VWDE: variants seen among roughly 807,000 people sequenced by gnomAD.
The protein encoded by VWDE is von Willebrand factor D and EGF domains.
VWDE carries 207 observed loss-of-function variants against 178.4 expected under a neutral mutation model. The ratio of observed to expected loss-of-function variants is 1.16; its 90% CI spans 1.04 to 1.30. VWDE has a LOEUF of 1.30. Ranked by LOEUF, VWDE falls within the 50% of genes most tolerant of loss-of-function variation. The pLI is 0.00. For synonymous variants in VWDE, 738 were observed against 651.4 expected, an observed-to-expected ratio of 1.13 and a Z score of -2.02; for missense variants, 2,287 against 1,901.3, an observed-to-expected ratio of 1.20 and a Z score of -3.77.
At chr7:12,365,880 T>C (rs1782831510) in intron 13 of VWDE, among the ~76,000 whole-genome samples, 1 of 152,126 alleles carries the variant, frequency 6.6e-6, no homozygotes, top group African/African-American at 2.4e-5. Context: ...TAGTTTTTGA[T>C]TTGGTTTGGC....
intron 1 of VWDE, among the ~76,000 whole-genome samples, chr7:12,394,286 G>A (rs1784527560): frequency 6.6e-6 from 1 of 151,784 alleles, no homozygotes; most frequent in Admixed American, 6.6e-5. Context: ...TCAAACTAAA[G>A]TTTACTGCAT....
chr7:12,334,108 A>G lies in VWDE; in HGVS notation c.4655-540T>C, dbSNP rs144925225. ...TTTCCCAAGGCAATTAAAAATACCT[A>G]CATCTATCTCAATATCTCAATATCT... is the stretch of plus-strand genomic sequence containing the variant. On this transcript the variant is annotated intron_variant, in intron 27 of 28. Transcript: ENST00000275358. 8.1e-4 allele frequency among the ~76,000 whole-genome samples: 123 copies of G among 152,204 alleles called. 2 individuals are homozygous for G. In the East Asian group the frequency reaches 0.02, roughly 25 times the overall value.
chr7:12,357,545 C>T (rs1782326956), intron 16 of VWDE, 30 bp from the exon 17 acceptor site: 4 of 1,547,484 alleles, frequency 2.6e-6, no homozygotes, highest in Admixed American at 2.0e-5. Flanking sequence ...TAACTTTATA[C>T]CCGTGTAGAA....
Position 12,403,854 on chromosome 7 carries a change from C to T in VWDE, c.-138G>A. The T allele has an allele frequency of 1.1e-6, 1 of 893,228 alleles. No homozygotes were observed. The highest frequency in any genetic ancestry group is 1.7e-6 in the Non-Finnish European group (1 of 583,308). 55.3% of individuals were successfully genotyped at this position (893,228 alleles called of 1,614,324 possible). A position where few individuals can be genotyped will look rare whatever the true frequency, so the allele number is the denominator to read the frequency against. ...TGCTGCTTGGAACAGGGAAGCTCCG[C>T]GTCCTCGTTCTGGGGTGCACCCAGT... On this transcript the variant is annotated 5_prime_UTR_variant, in exon 1 of 29. Transcript: ENST00000275358.
At chr7:12,350,537 C>T (rs1364214636) in intron 19 of VWDE, among the ~76,000 whole-genome samples, 1 of 152,032 alleles carries the variant, frequency 6.6e-6, no homozygotes, top group East Asian at 1.9e-4. Flanking sequence ...GCAGTGATAT[C>T]ATAGTGAAAC....
intron 3 of VWDE, among the ~76,000 whole-genome samples, chr7:12,388,334 G>A (rs1478455755): frequency 6.6e-6 from 1 of 152,066 alleles, no homozygotes; most frequent in Non-Finnish European, 1.5e-5. Context: ...AAAGTTAACT[G>A]CAATCACTTG....
intron 3 of VWDE, among the ~76,000 whole-genome samples, chr7:12,383,944 T>G (rs1472651029): frequency 1.3e-5 from 2 of 152,172 alleles, no homozygotes; most frequent in Admixed American, 1.3e-4. Context: ...AACAGTTTAG[T>G]GGTTTCTTAC....
At chr7:12,333,971 T>C (rs1452003801) in intron 27 of VWDE, among the ~76,000 whole-genome samples, 1 of 152,154 alleles carries the variant, frequency 6.6e-6, no homozygotes, top group Non-Finnish European at 1.5e-5. Context: ...GGCTAGTGTA[T>C]GGAAAATTTG....
chr7:12,335,881 G>C (rs1780993979), intron 27 of VWDE, among the ~76,000 whole-genome samples: 1 of 152,108 alleles, frequency 6.6e-6, no homozygotes, highest in Non-Finnish European at 1.5e-5. Flanking sequence ...CCCACCTGGG[G>C]AAACTTTATT....
intron 27 of VWDE, among the ~76,000 whole-genome samples, chr7:12,334,899 T>C (rs79308526): frequency 0.019 from 2,833 of 152,256 alleles, 80 homozygotes; most frequent in African/African-American, 0.064. Flanking sequence ...ACATCTAAAT[T>C]CCAATTGGAA....
chr7:12,402,110 AAGT>A (rs1319548016), intron 1 of VWDE, among the ~76,000 whole-genome samples: 1 of 152,224 alleles, frequency 6.6e-6, no homozygotes, highest in Non-Finnish European at 1.5e-5. Context: ...ATGAGACAGA[AAGT>A]AGATTAGTAA....
rs539178987 is a variant in VWDE at position 12,338,213 on chromosome 7, T to C, written c.4367-941A>G. Among the ~76,000 whole-genome samples the C allele has an allele frequency of 2.0e-5, 3 of 152,116 alleles. No individual in the cohort carries two copies. In the South Asian group the frequency reaches 6.2e-4, roughly 32 times the overall value. On this transcript the variant is annotated intron_variant, in intron 24 of 28. Coordinates refer to ENST00000275358, the MANE Select transcript of VWDE (RefSeq NM_001135924.3). ...GAAATAATATAGAACTTTATAGTAATAATATAACTGAAAGCTTTTAGCAAA... is the reference window on the plus strand; with the variant it reads ...GAAATAATATAGAACTTTATAGTAACAATATAACTGAAAGCTTTTAGCAAA...
In VWDE at chr7:12,331,079, TTTTGAATGATGTTCAAATAAACTCC is replaced by T. The variant is rs1401859163; in HGVS notation, c.*79_*103del. 4.7e-6 allele frequency: 4 copies of T among 859,770 alleles called. No homozygotes were observed. Among genetic ancestry groups the T allele is most frequent in the Non-Finnish European group, 7.2e-6 (4 of 558,890 alleles). 53.3% of individuals were successfully genotyped at this position (859,770 alleles called of 1,614,324 possible). A position where few individuals can be genotyped will look rare whatever the true frequency, so the allele number is the denominator to read the frequency against. On this transcript the variant is annotated 3_prime_UTR_variant, in exon 29 of 29. Coordinates refer to ENST00000275358, the MANE Select transcript of VWDE (RefSeq NM_001135924.3). ...TAGTTTCTTCAGTCTTTAAGATATT[TTTTGAATGATGTTCAAATAAACTCC>T]AAGTTATCTCCAACTTTTTCTGAAC...
At chr7:12,368,005 A>C (rs1241025170) in intron 12 of VWDE, among the ~76,000 whole-genome samples, 1 of 152,028 alleles carries the variant, frequency 6.6e-6, no homozygotes, top group East Asian at 1.9e-4. Context: ...GGAAAACCTA[A>C]GTGAATACAA....
At chr7:12,384,441 T>G (rs1367857673) in intron 3 of VWDE, among the ~76,000 whole-genome samples, 2 of 152,014 alleles carry the variant, frequency 1.3e-5, no homozygotes, top group African/African-American at 4.8e-5. Flanking sequence ...TATGAGAAAT[T>G]TGTCCAAACC....
At chr7:12,362,314 A>C (rs1310091829) in intron 13 of VWDE, among the ~76,000 whole-genome samples, 1 of 152,054 alleles carries the variant, frequency 6.6e-6, no homozygotes, top group Non-Finnish European at 1.5e-5. Context: ...TTGAGAATTC[A>C]GCTACTTTCT....
chr7:12,333,862 C>CTT, intron 27 of VWDE: 7 of 219,678 alleles, frequency 3.2e-5, no homozygotes, highest in Non-Finnish European at 5.3e-5. Context: ...AAATATATCT[C>CTT]TTTTTTTTTC....
At chr7:12,359,841 G>T in intron 15 of VWDE, 149 bp from the exon 16 acceptor site, 2 of 511,324 alleles carry the variant, frequency 3.9e-6, no homozygotes, top group Non-Finnish European at 7.0e-6. Context: ...TGCATATGAG[G>T]AAACAAATTA....
At position 12,403,773 on chromosome 7, in the gene VWDE, G is replaced by C; in HGVS notation, c.-57C>G. 6.5e-7 allele frequency: 1 copy of C among 1,534,076 alleles called. No homozygotes were observed. The highest frequency in any genetic ancestry group is 8.8e-7 in the Non-Finnish European group (1 of 1,132,606). On this transcript the variant is annotated 5_prime_UTR_variant, in exon 1 of 29. Coordinates refer to ENST00000275358, the MANE Select transcript of VWDE (RefSeq NM_001135924.3). ...GCAGAGCCCGGGCCGCGGGTGCCAG[G>C]AGGATGGGGCCACAGCAGCCCCTCG...
Sources: gnomAD v4.1 joint callset for allele counts (sites outside exome capture counted in the v4.1 genomes callset) on GRCh38, gnomAD v4.1.1 for gene constraint, MANE v1.5 for transcripts, NCBI Gene and HGNC (gene_info 2026-07-23, HGNC 2026-07-21) for gene names.